Variants in GALNT18 observed in about 807,000 individuals in gnomAD.
GALNT18 encodes the protein GalNAc-transferase 18.
In GALNT18, 44 loss-of-function variants were observed where a neutral mutation model predicts 69.5. The ratio of observed to expected loss-of-function variants is 0.63; its 90% CI spans 0.50 to 0.81. GALNT18 has a LOEUF of 0.81. Ranked by LOEUF, GALNT18 falls within the 40% of genes least tolerant of loss-of-function variation. The pLI is 0.00. For missense variants in GALNT18, 715 were observed against 810.0 expected, an observed-to-expected ratio of 0.88 and a Z score of 1.42; for synonymous variants, 364 against 318.2, an observed-to-expected ratio of 1.14 and a Z score of -1.53.
At chr11:11,594,247 G>A (rs1859432591) in intron 1 of GALNT18, among the ~76,000 whole-genome samples, 1 of 152,178 alleles carries the variant, frequency 6.6e-6, no homozygotes, top group Non-Finnish European at 1.5e-5. Flanking sequence ...ACTAAAGTTG[G>A]AAAAGCTCTA....
intron 2 of GALNT18, among the ~76,000 whole-genome samples, chr11:11,438,766 A>G (rs962462547): frequency 1.3e-5 from 2 of 152,192 alleles, no homozygotes; most frequent in African/African-American, 4.8e-5. Context: ...AGTTGTTCCC[A>G]GGCTGCCAAA....
chr11:11,530,374 T>A (rs1230017569), intron 1 of GALNT18, among the ~76,000 whole-genome samples: 1 of 152,176 alleles, frequency 6.6e-6, no homozygotes, highest in Non-Finnish European at 1.5e-5. Flanking sequence ...AGGAGACACC[T>A]TCAAGCTGTG....
intron 6 of GALNT18, among the ~76,000 whole-genome samples, chr11:11,354,814 G>A (rs570600150): frequency 9.2e-5 from 14 of 152,112 alleles, no homozygotes; most frequent in East Asian, 3.9e-4. Context: ...TGTCCAAAAC[G>A]AAGTTCCCGA....
intron 1 of GALNT18, among the ~76,000 whole-genome samples, chr11:11,525,330 G>T (rs948208801): frequency 3.9e-5 from 6 of 152,164 alleles, no homozygotes; most frequent in Admixed American, 3.9e-4. Context: ...TGGTAGAATG[G>T]AGGTGAATGA....
At chr11:11,375,020 A>G (rs1853708994) in intron 5 of GALNT18, among the ~76,000 whole-genome samples, 1 of 152,206 alleles carries the variant, frequency 6.6e-6, no homozygotes, top group Non-Finnish European at 1.5e-5. Flanking sequence ...TCAGTTTGAA[A>G]GAAATTTCTC....
intron 3 of GALNT18, among the ~76,000 whole-genome samples, chr11:11,407,854 G>A (rs1854625719): frequency 6.6e-6 from 1 of 152,202 alleles, no homozygotes; most frequent in South Asian, 2.1e-4. Flanking sequence ...CTCCACAGAA[G>A]AGAGGGAGGG....
chr11:11,282,179 T>TC (rs1564878209), intron 10 of GALNT18, among the ~76,000 whole-genome samples: 1 of 151,450 alleles, frequency 6.6e-6, no homozygotes, highest in Admixed American at 6.6e-5. Flanking sequence ...GAACAGACTC[T>TC]TTCTTCTTCT....
At chr11:11,545,132 G>C (rs1457683316) in intron 1 of GALNT18, among the ~76,000 whole-genome samples, 1 of 152,240 alleles carries the variant, frequency 6.6e-6, no homozygotes, top group East Asian at 1.9e-4. Flanking sequence ...AGGGAGCTCA[G>C]AGAGTTAAAG....
chr11:11,297,947 C>T (rs763651259), intron 9 of GALNT18, among the ~76,000 whole-genome samples: 17 of 152,356 alleles, frequency 1.1e-4, no homozygotes, highest in East Asian at 3.9e-4. Flanking sequence ...CTGGATCTTA[C>T]GCTAGTGGCA....
intron 9 of GALNT18, among the ~76,000 whole-genome samples, chr11:11,307,999 G>C (rs554068142): frequency 1.6e-4 from 24 of 152,336 alleles, no homozygotes; most frequent in Non-Finnish European, 1.5e-5. Context: ...AGCACAAGGA[G>C]ATGTTGTTTC....
At chr11:11,369,081 T>G (rs553592981) in intron 6 of GALNT18, among the ~76,000 whole-genome samples, 1 of 152,356 alleles carries the variant, frequency 6.6e-6, no homozygotes, top group Non-Finnish European at 1.5e-5. Context: ...TCTATGAAGT[T>G]GAGAAAACAT....
rs1430598593 is a variant in GALNT18, at chr11:11,555,955, CCT to C, written c.235+65402_235+65403del. Among the ~76,000 whole-genome samples, 2 of 152,194 alleles carry C rather than the reference CCT, an allele frequency of 1.3e-5. No individual in the cohort carries two copies. Among genetic ancestry groups the C allele is most frequent in the Admixed American group, 6.5e-5 (1 of 15,276 alleles). On this transcript the variant is annotated intron_variant, in intron 1 of 10. Coordinates refer to ENST00000227756, the MANE Select transcript of GALNT18 (RefSeq NM_198516.3). This position sits in a 1 kb window ranked among gnomAD's most constrained non-coding sequence, Gnocchi z 4.7. ...TGATCTGGTTTGCTTTCCCTTATTT[CCT>C]CTGAGTCCTCTAACCGAGATCAGAC...
intron 10 of GALNT18, among the ~76,000 whole-genome samples, chr11:11,276,561 C>T (rs1338293392): frequency 2.0e-5 from 3 of 152,124 alleles, no homozygotes; most frequent in Admixed American, 1.3e-4. Flanking sequence ...CAGAACTTCC[C>T]ATACTATGTT....
In GALNT18 at chr11:11,587,535, T is replaced by C. The variant is rs552295352; in HGVS notation, c.235+33824A>G. Among the ~76,000 whole-genome samples the C allele has an allele frequency of 6.6e-6, 1 of 152,332 alleles. No homozygotes were observed. Among genetic ancestry groups the C allele is most frequent in the Non-Finnish European group, 1.5e-5 (1 of 68,034 alleles). On this transcript the variant is annotated intron_variant, in intron 1 of 10. Coordinates refer to ENST00000227756, the MANE Select transcript of GALNT18 (RefSeq NM_198516.3). This position sits in a 1 kb window ranked among gnomAD's most constrained non-coding sequence, Gnocchi z 4.4. ...TCTGGAGCTCAGCCTAGGATTTGAA[T>C]ACAGGAGCTTTGCAAGACCATCAGT...
In GALNT18 at chr11:11,465,529, C is replaced by A. The variant is rs1437586038; in HGVS notation, c.236-16593G>T. The stretch of plus-strand genomic sequence containing the variant: ...AGCCACAGAAGCCAAAGCCACCTGG[C>A]CATGAGGTCAGGAAGCACAGCTTAG... On this transcript the variant is annotated intron_variant, in intron 1 of 10. Coordinates refer to ENST00000227756, the MANE Select transcript of GALNT18 (RefSeq NM_198516.3). The surrounding 1 kb of genome is among the most constrained non-coding windows in gnomAD (Gnocchi z 5.7). 6.6e-6 allele frequency among the ~76,000 whole-genome samples: 1 copy of A among 152,158 alleles called. No individual in the cohort carries two copies. Among genetic ancestry groups the A allele is most frequent in the Non-Finnish European group, 1.5e-5 (1 of 68,026 alleles).
At chr11:11,287,652 A>T (rs889258645) in intron 10 of GALNT18, among the ~76,000 whole-genome samples, 1 of 152,214 alleles carries the variant, frequency 6.6e-6, no homozygotes, top group Admixed American at 6.5e-5. Context: ...TGAATTTATC[A>T]TCCCAGTAGG....
intron 10 of GALNT18, among the ~76,000 whole-genome samples, chr11:11,281,526 G>T (rs577826070): frequency 6.6e-6 from 1 of 152,294 alleles, no homozygotes; most frequent in South Asian, 2.1e-4. Context: ...CCAACAGCGA[G>T]GTGCTGTGCA....
chr11:11,615,797 C>A lies in GALNT18; in HGVS notation c.235+5562G>T, dbSNP rs953428142. On this transcript the variant is annotated intron_variant, in intron 1 of 10. Transcript: ENST00000227756. ...GCAGAGTCTGGGAGACCCCACTTAACCCTTTTAATTCTCAGGCCCCAGATC... is the reference window on the plus strand; with the variant it reads ...GCAGAGTCTGGGAGACCCCACTTAAACCTTTTAATTCTCAGGCCCCAGATC... Among the ~76,000 whole-genome samples, 9 of 152,276 alleles carry A rather than the reference C, an allele frequency of 5.9e-5. No homozygotes were observed. In the South Asian group the frequency reaches 1.9e-3, roughly 32 times the overall value.
intron 6 of GALNT18, among the ~76,000 whole-genome samples, chr11:11,345,355 G>A (rs759844603): frequency 6.6e-6 from 1 of 152,004 alleles, no homozygotes; most frequent in Non-Finnish European, 1.5e-5. Context: ...CTGACTCCTG[G>A]GAGATAAGTG....
Sources: gnomAD v4.1 joint callset for allele counts (sites outside exome capture counted in the v4.1 genomes callset) on GRCh38, gnomAD v4.1.1 for gene constraint, Gnocchi (gnomAD v3.1) non-coding constraint, MANE v1.5 for transcripts, NCBI Gene and HGNC (gene_info 2026-07-23, HGNC 2026-07-21) for gene names.